Variants in TONSL observed in about 807,000 individuals in gnomAD.
TONSL encodes the protein tonsoku like, DNA repair protein.
TONSL carries 112 observed loss-of-function variants against 147.1 expected under a neutral mutation model. That is an observed-to-expected ratio of 0.76 (90% CI 0.65 to 0.89). The LOEUF (loss-of-function observed/expected upper bound fraction) is 0.89, where lower values mean the gene tolerates loss of function less well. Among genes scored for constraint, TONSL ranks in the 40% least tolerant of loss-of-function variants. The probability of loss-of-function intolerance (pLI) is 0.00; values close to 1 mark genes in which losing one functional copy is unlikely to be tolerated. For missense variants in TONSL, 1,883 were observed against 1,864.6 expected (o/e 1.01, Z -0.18); for synonymous variants, 868 against 801.5 (o/e 1.08, Z -1.40).
In TONSL at chr8:144,434,284, G is replaced by C; in HGVS notation, c.3086-5C>G. ...GCAGCACCTGTTGGTGCTCCCCTGC[G>C]GGAGGGATGTGATGTCACCAGGGTA... On this transcript the variant is annotated splice_polypyrimidine_tract_variant and splice_region_variant and intron_variant, in intron 20 of 25. Transcript: ENST00000409379. The C allele has an allele frequency of 4.0e-6, 6 of 1,504,946 alleles. No individual in the cohort carries two copies. The South Asian group carries it at 6.7e-5, about 17-fold the overall frequency. The allele number at this position is 1,504,946 out of a possible 1,614,324, so 93.2% of individuals were successfully genotyped here. A position where few individuals can be genotyped will look rare whatever the true frequency, so the allele number is the denominator to read the frequency against.
Position 144,442,712 on chromosome 8 carries a change from G to A in TONSL, c.543C>T (p.Cys181=), listed in dbSNP as rs745932007. The A allele has an allele frequency of 3.7e-6, 6 of 1,612,916 alleles. 1 individual carries two copies. In the South Asian group the frequency reaches 5.5e-5, roughly 15 times the overall value. ...TFESLQQTAL[C]NDYFRKSIFL... ...AGATGCTCTTCCTGAAGTAATCGTT[G>A]CACAGGGCTGTCTGCTGCAGGCTCT... Residue 181 remains cysteine (C), a synonymous_variant, in exon 5 of 26, where the codon TGC becomes TGT. Coordinates refer to ENST00000409379, the MANE Select transcript of TONSL (RefSeq NM_013432.5).
chr8:144,429,064 C>G lies in TONSL; in HGVS notation c.*79G>C. ...TGGGCCTCCCAAAGTGTTGGGATTA[C>G]AGGCGTGAGCCACCGCGCCCGGCCA... On this transcript the variant is annotated 3_prime_UTR_variant, in exon 26 of 26. Coordinates refer to ENST00000409379, the MANE Select transcript of TONSL (RefSeq NM_013432.5). 7.0e-7 allele frequency: 1 copy of G among 1,421,256 alleles called. No individual in the cohort carries two copies. The highest frequency in any genetic ancestry group is 1.5e-5 in the African/African-American group (1 of 67,704). The allele number at this position is 1,421,256 out of a possible 1,614,324, so 88.0% of individuals were successfully genotyped here.
chr8:144,433,805 A>T (rs911875097), intron 21 of TONSL, 46 bp from the exon 22 acceptor site: 2 of 1,525,302 alleles, frequency 1.3e-6, no homozygotes, highest in Non-Finnish European at 1.8e-6. Context: ...AGTCCCACGG[A>T]CAGGGTCCCC....
Position 144,435,990 on chromosome 8 carries a change from T to C in TONSL, c.2443A>G (p.Ser815Gly). Residue 815 changes from serine (S) to glycine (G), a missense_variant, in exon 17 of 26, where the codon AGC becomes GGC. Ser to Gly is a moderately conservative substitution (Grantham distance 56, BLOSUM62 0). Coordinates refer to ENST00000409379, the MANE Select transcript of TONSL (RefSeq NM_013432.5). ...RLGPGPPRGH[S>G]KALAPQAALI... ...GCTGCCTGGGGGGCAAGGGCTTTGCTGTGGCCCCGCGGTGGGCCAGGCCCC... is the reference window on the plus strand; with the variant it reads ...GCTGCCTGGGGGGCAAGGGCTTTGCCGTGGCCCCGCGGTGGGCCAGGCCCC... The C allele has an allele frequency of 6.4e-7, 1 of 1,553,042 alleles. No individual in the cohort carries two copies. The highest frequency in any genetic ancestry group is 8.7e-7 in the Non-Finnish European group (1 of 1,151,708).
chr8:144,435,008 G>T lies in TONSL; in HGVS notation c.3006+9C>A. On this transcript the variant is annotated intron_variant, in intron 19 of 25. Coordinates refer to ENST00000409379, the MANE Select transcript of TONSL (RefSeq NM_013432.5). ...GAGGCCCTGGCTCCCCCTCCGCTCT[G>T]CGGCTCACCTCGTCATTGCTCTGCA... 2 of 1,612,372 alleles carry T rather than the reference G, an allele frequency of 1.2e-6. No homozygotes were observed. Among genetic ancestry groups the T allele is most frequent in the Non-Finnish European group, 1.7e-6 (2 of 1,179,636 alleles).
chr8:144,435,132 G>A lies in TONSL; in HGVS notation c.2891C>T (p.Ala964Val), dbSNP rs778431357. Residue 964 changes from alanine to valine, a missense_variant, in exon 19 of 26, where the codon GCG becomes GTG. Ala to Val is a moderately conservative substitution (Grantham distance 64, BLOSUM62 0). Coordinates refer to ENST00000409379, the MANE Select transcript of TONSL (RefSeq NM_013432.5). ...THSVAWLAEQ[A>V]AQRYYQTCGL... Reference sequence around the variant, plus strand: ...GCAGGTCTGGTAGTAGCGCTGGGCCGCCTGCTCGGCCAGCCAGGCCACAGA... The same window carrying A: ...GCAGGTCTGGTAGTAGCGCTGGGCCACCTGCTCGGCCAGCCAGGCCACAGA... The A allele has an allele frequency of 5.8e-5, 91 of 1,573,530 alleles. No homozygotes were observed. The highest frequency in any genetic ancestry group is 2.0e-4 in the Middle Eastern group (1 of 5,024).
rs1554878069 is a variant in TONSL at position 144,429,263 on chromosome 8, C to T, written c.4017G>A (p.Leu1339=). The part of the protein sequence containing the change: ...KIAAQLRELQ[L]CSRRLCAEDR... Reference sequence around the variant, plus strand: ...CCTCAGCGCAGAGGCGTCTGCTGCACAGCTGCAGTTCCCGGAGCTGCGCGG... The same window carrying T: ...CCTCAGCGCAGAGGCGTCTGCTGCATAGCTGCAGTTCCCGGAGCTGCGCGG... Residue 1339 remains leucine (L), a synonymous_variant, in exon 26 of 26, where the codon CTG becomes CTA. Transcript: ENST00000409379. 2 of 1,523,164 alleles carry T rather than the reference C, an allele frequency of 1.3e-6. No homozygotes were observed. Among genetic ancestry groups the T allele is most frequent in the Admixed American group, 4.0e-5 (2 of 49,842 alleles). The allele number at this position is 1,523,164 out of a possible 1,614,324, so 94.4% of individuals were successfully genotyped here.
rs763980389 is a variant in TONSL, at chr8:144,436,598, C to T, written c.1974G>A (p.Arg658=). Residue 658 remains arginine, a synonymous_variant, in exon 16 of 26, where the codon AGG becomes AGA. Coordinates refer to ENST00000409379, the MANE Select transcript of TONSL (RefSeq NM_013432.5). ...DLDLETRQKA[R]AMEMLLQAAA... ...CCGCCTGGAGCAGCATCTCCATGGC[C>T]CTGGCCTTCTGCCGCGTCTCCAGGT... 1 of 1,611,672 alleles carries T rather than the reference C, an allele frequency of 6.2e-7. No individual in the cohort carries two copies. Among genetic ancestry groups the T allele is most frequent in the South Asian group, 1.1e-5 (1 of 91,078 alleles).
intron 5 of TONSL, 27 bp downstream of exon 5, chr8:144,442,650 C>G: frequency 6.2e-7 from 1 of 1,602,916 alleles, no homozygotes; most frequent in Non-Finnish European, 8.5e-7. Flanking sequence ...GGACTCCACT[C>G]CCTCCTGGGG....
rs770094484 is a variant in TONSL at position 144,440,351 on chromosome 8, C to T, written c.1290G>A (p.Gln430=). Residue 430 remains glutamine (Q), a splice_region_variant and synonymous_variant, in exon 10 of 26, where the codon CAG becomes CAA. Coordinates refer to ENST00000409379, the MANE Select transcript of TONSL (RefSeq NM_013432.5). ...CAQQAQRPQL[Q]RQVLQHLHTV... is the part of the protein sequence containing the mutation. ...GTATGGGTGGGATGGGCTCTCGCAC[C>T]TGCAGCTGGGGACGCTGGGCCTGCT... The T allele has an allele frequency of 6.3e-7, 1 of 1,586,352 alleles. No individual in the cohort carries two copies. Among genetic ancestry groups the T allele is most frequent in the Non-Finnish European group, 8.6e-7 (1 of 1,162,830 alleles).
At position 144,435,034 on chromosome 8, in the gene TONSL, G is replaced by A; in HGVS notation, c.2989C>T (p.Leu997=). The change falls in exon 19 of 26, where the codon CTG becomes TTG. Residue 997 remains leucine (L), a synonymous_variant. Coordinates refer to ENST00000409379, the MANE Select transcript of TONSL (RefSeq NM_013432.5). ...LAPQDLIPDV[L]QSNDEVLAEV... is the part of the protein sequence containing the mutation. ...CGGCTCACCTCGTCATTGCTCTGCA[G>A]CACATCAGGGATGAGGTCCTGTGGG... 1.2e-6 allele frequency: 2 copies of A among 1,612,476 alleles called. No homozygotes were observed. The highest frequency in any genetic ancestry group is 1.7e-6 in the Non-Finnish European group (2 of 1,179,702).
chr8:144,442,334 G>T lies in TONSL; in HGVS notation c.657C>A (p.Ser219=). The change falls in exon 6 of 26, where the codon TCC becomes TCA. Residue 219 remains serine (S), a synonymous_variant. Transcript: ENST00000409379. ...GTIHWRAGQH[S]QAMRCLEGAR... Reference sequence around the variant, plus strand: ...CACCCTCCAAGCAGCGCATAGCCTGGGAGTGCTGGCCCGCGCGCCAGTGGA... The same window carrying T: ...CACCCTCCAAGCAGCGCATAGCCTGTGAGTGCTGGCCCGCGCGCCAGTGGA... The T allele has an allele frequency of 6.3e-7, 1 of 1,595,872 alleles. No homozygotes were observed. The highest frequency in any genetic ancestry group is 8.6e-7 in the Non-Finnish European group (1 of 1,167,668).
chr8:144,439,520 A>G (rs1405396161), intron 11 of TONSL, among the ~76,000 whole-genome samples: 1 of 152,056 alleles, frequency 6.6e-6, no homozygotes, highest in Non-Finnish European at 1.5e-5. Flanking sequence ...GTCAGAAACC[A>G]GCCTCCCAGC....
chr8:144,440,089 G>GCCT lies in TONSL; in HGVS notation c.1409_1411dup (p.Glu470dup), dbSNP rs745438969. The GCCT allele has an allele frequency of 1.9e-6, 3 of 1,604,978 alleles. No homozygotes were observed. Among genetic ancestry groups the GCCT allele is most frequent in the African/African-American group, 1.3e-5 (1 of 74,678 alleles). ...CTCCGCTGTGGCTGCCGCCTCCTCCGCCTCCTCCTCCTCATCTTCATCTTC... is the reference window on the plus strand; with the variant it reads ...CTCCGCTGTGGCTGCCGCCTCCTCCGCCTCCTCCTCCTCCTCATCTTCATCTTC... On this transcript the variant is annotated inframe_insertion, in exon 11 of 26. Transcript: ENST00000409379.
intron 13 of TONSL, 106 bp from the exon 14 acceptor site, chr8:144,437,205 C>T: frequency 2.6e-6 from 3 of 1,164,800 alleles, no homozygotes; most frequent in Non-Finnish European, 1.3e-6. Flanking sequence ...AGTCTTAGAG[C>T]CCAGAGCAAG....
intron 1 of TONSL, 28 bp from the exon 2 acceptor site, chr8:144,444,303 T>G: frequency 7.4e-7 from 1 of 1,358,080 alleles, no homozygotes; most frequent in Non-Finnish European, 9.5e-7. Context: ...GGGCTGGGCC[T>G]CCGCGGCGGG....
chr8:144,431,204 G>A, intron 23 of TONSL, 53 bp from the exon 24 acceptor site: 1 of 1,580,556 alleles, frequency 6.3e-7, no homozygotes, highest in Non-Finnish European at 8.7e-7. Flanking sequence ...CACCTGCCCT[G>A]CCTGCTTCCC....
chr8:144,433,719 TC>T lies in TONSL; in HGVS notation c.3427del (p.Asp1143ThrfsTer33). 1 of 1,605,418 alleles carries T rather than the reference TC, an allele frequency of 6.2e-7. No individual in the cohort carries two copies. Among genetic ancestry groups the T allele is most frequent in the Non-Finnish European group, 8.5e-7 (1 of 1,176,560 alleles). ...ELDLSMNPLG[D>X]GCGQSLASLL... ...GGAGGCCAGGGACTGGCCACAGCCG[TC>T]CCCCAGGGGGTTCATGCTTAAGTCC... On this transcript the variant is annotated frameshift_variant, in exon 22 of 26. Transcript: ENST00000409379. LOFTEE classifies it high-confidence loss of function.
chr8:144,434,820 G>T lies in TONSL; in HGVS notation c.3076C>A (p.Leu1026Met). Residue 1026 changes from leucine to methionine, a missense_variant, in exon 20 of 26, where the codon CTG (leucine) becomes ATG (methionine). Coordinates refer to ENST00000409379, the MANE Select transcript of TONSL (RefSeq NM_013432.5). ...CTCTCCTGGCCCTCACCTTGCCCCA[G>T]GCTCTGGCAGGCCCTGCGGTAGCGG... ...TDRYRRACQSLGQGEHQQVLQ... is the reference protein window; with the variant it reads ...TDRYRRACQSMGQGEHQQVLQ... 6.2e-7 allele frequency: 1 copy of T among 1,613,502 alleles called. No individual in the cohort carries two copies. The highest frequency in any genetic ancestry group is 8.5e-7 in the Non-Finnish European group (1 of 1,179,916).
Sources: gnomAD v4.1 joint callset for allele counts (sites outside exome capture counted in the v4.1 genomes callset) on GRCh38, gnomAD v4.1.1 for gene constraint, MANE v1.5 for transcripts, NCBI Gene and HGNC (gene_info 2026-07-23, HGNC 2026-07-21) for gene names.